The following WSB1 variants were observed in gnomAD, a reference collection of about 807,000 sequenced individuals.
WSB1 encodes the protein WD repeat and SOCS box containing 1.
In WSB1, 23 loss-of-function variants were observed where a neutral mutation model predicts 50.2. The ratio of observed to expected loss-of-function variants is 0.46; its 90% CI spans 0.33 to 0.65. WSB1 has a LOEUF of 0.65. WSB1 is among the 30% of genes least tolerant of loss of function. WSB1 has a pLI of 0.02. For synonymous variants in WSB1, 179 were observed against 172.0 expected, an observed-to-expected ratio of 1.04 and a Z score of -0.32; for missense variants, 492 against 522.3, an observed-to-expected ratio of 0.94 and a Z score of 0.56.
chr17:27,296,235 T>A (rs2016973907), intron 1 of WSB1, among the ~76,000 whole-genome samples: 1 of 151,784 alleles, frequency 6.6e-6, no homozygotes, highest in Non-Finnish European at 1.5e-5. Context: ...GATTTCTCTT[T>A]TCTTTTCTTT....
chr17:27,296,819 C>A (rs1345562707), intron 1 of WSB1, among the ~76,000 whole-genome samples: 5 of 152,196 alleles, frequency 3.3e-5, no homozygotes, highest in African/African-American at 1.2e-4. Context: ...TAACATTAAA[C>A]AGTTACAGAT....
Position 27,301,420 on chromosome 17 carries a change from A to G in WSB1, c.41-368A>G, listed in dbSNP as rs976134001. ...ATACTTTTCCTGCCAACTAAGTTTAATTTCTTGCATTTTAAATGTTAATAA... is the reference window on the plus strand; with the variant it reads ...ATACTTTTCCTGCCAACTAAGTTTAGTTTCTTGCATTTTAAATGTTAATAA... On this transcript the variant is annotated intron_variant, in intron 1 of 8. Transcript: ENST00000262394. Among the ~76,000 whole-genome samples, 13 of 152,246 alleles carry G rather than the reference A, an allele frequency of 8.5e-5. 1 individual carries two copies. In the Middle Eastern group the frequency reaches 0.01, roughly 120 times the overall value.
At chr17:27,309,028 T>G in intron 5 of WSB1, 72 bp from the exon 6 acceptor site, 1 of 1,456,590 alleles carries the variant, frequency 6.9e-7, no homozygotes, top group Middle Eastern at 1.9e-4. Flanking sequence ...ATTTAGCAGT[T>G]TTAGTATAAG....
chr17:27,298,079 C>T (rs2017060975), intron 1 of WSB1, among the ~76,000 whole-genome samples: 1 of 138,482 alleles, frequency 7.2e-6, no homozygotes, highest in African/African-American at 2.7e-5. Context: ...GAGCGGAGAT[C>T]ATGCCACTGC....
In WSB1 at chr17:27,313,392, A is replaced by G. The variant is rs1305874713; in HGVS notation, c.*1023A>G. On this transcript the variant is annotated 3_prime_UTR_variant, in exon 9 of 9. Transcript: ENST00000262394. ...GAATCCGTCTACTGTATTATTGCTA[A>G]ATATTTTGTTTATACTAAGGGACAA... The G allele has an allele frequency of 6.6e-6, 1 of 152,242 alleles. No individual in the cohort carries two copies. Among genetic ancestry groups the G allele is most frequent in the African/African-American group, 2.4e-5 (1 of 41,326 alleles). The allele number at this position is 152,242 out of a possible 1,614,324, so 9.4% of individuals were successfully genotyped here.
At chr17:27,311,639 T>C (rs1432892170) in intron 8 of WSB1, 23 bp downstream of exon 8, 10 of 1,400,868 alleles carry the variant, frequency 7.1e-6, no homozygotes, top group Admixed American at 2.4e-5. Context: ...TTCTCTTTTT[T>C]TTTTTTTTTT....
chr17:27,310,923 A>G (rs1251713196), intron 7 of WSB1, among the ~76,000 whole-genome samples: 1 of 151,990 alleles, frequency 6.6e-6, no homozygotes, highest in African/African-American at 2.4e-5. Flanking sequence ...ACATCTCACC[A>G]CAGCCTTGAT....
At chr17:27,298,546 C>T (rs1457981563) in intron 1 of WSB1, among the ~76,000 whole-genome samples, 1 of 151,884 alleles carries the variant, frequency 6.6e-6, no homozygotes, top group East Asian at 1.9e-4. Flanking sequence ...CATAGCAAGA[C>T]CCTGTCTATA....
chr17:27,300,696 G>T (rs1228511056), intron 1 of WSB1, among the ~76,000 whole-genome samples: 84 of 140,178 alleles, frequency 6.0e-4, no homozygotes, highest in African/African-American at 1.6e-3. Flanking sequence ...GGTTTTTTTT[G>T]TTTTTTTTTT....
rs1338331726 is a variant in WSB1 at position 27,313,501 on chromosome 17, A to G, written c.*1132A>G. On this transcript the variant is annotated 3_prime_UTR_variant, in exon 9 of 9. Transcript: ENST00000262394. ...ATATTGGTGAGTTGCCAAAGAAGCA[A>G]TACAGCATATCTGCTTTTGCCTTCT... 2 of 152,472 alleles carry G rather than the reference A, an allele frequency of 1.3e-5. No individual in the cohort carries two copies. The highest frequency in any genetic ancestry group is 3.2e-3 in the Middle Eastern group (1 of 316). 9.4% of individuals were successfully genotyped at this position (152,472 alleles called of 1,614,324 possible).
At chr17:27,311,640 T>C in intron 8 of WSB1, 24 bp downstream of exon 8, 3 of 1,424,720 alleles carry the variant, frequency 2.1e-6, no homozygotes, top group Non-Finnish European at 1.9e-6. Flanking sequence ...TCTCTTTTTT[T>C]TTTTTTTTTT....
At position 27,312,377 on chromosome 17, in the gene WSB1, T is replaced by C. The variant is rs1228143306; in HGVS notation, c.*8T>C. 1 of 1,613,844 alleles carries C rather than the reference T, an allele frequency of 6.2e-7. No homozygotes were observed. Among genetic ancestry groups the C allele is most frequent in the South Asian group, 1.1e-5 (1 of 91,000 alleles). ...CTCTCGTATCGTATTTAGAAGATTC[T>C]GCCTTCCCTAGTAGTAGGGACTGAC... On this transcript the variant is annotated 3_prime_UTR_variant, in exon 9 of 9. Transcript: ENST00000262394.
chr17:27,296,223 CT>C (rs2016973023), intron 1 of WSB1, among the ~76,000 whole-genome samples: 2 of 152,010 alleles, frequency 1.3e-5, no homozygotes, highest in Admixed American at 6.5e-5. Flanking sequence ...CACTAGCCCC[CT>C]GATTTCTCTT....
Position 27,304,849 on chromosome 17 carries a change from G to T in WSB1, c.548G>T (p.Ser183Ile). The change falls in exon 4 of 9, where the codon AGC (serine) becomes ATC (isoleucine). Residue 183 changes from serine to isoleucine, a missense_variant. Ser to Ile is a moderately radical substitution (Grantham distance 142, BLOSUM62 -2). Coordinates refer to ENST00000262394, the MANE Select transcript of WSB1 (RefSeq NM_015626.10). ...VRDLTFAPDG[S>I]LILVSASRDK... is the part of the protein sequence containing the mutation. ...GATTTAACTTTTGCTCCAGATGGAA[G>T]CTTGATCCTGGTGTCAGCTTCAAGA... 6.2e-7 allele frequency: 1 copy of T among 1,614,050 alleles called. No individual in the cohort carries two copies. Among genetic ancestry groups the T allele is most frequent in the South Asian group, 1.1e-5 (1 of 91,078 alleles).
chr17:27,311,331 G>C (rs2017668502), intron 7 of WSB1, among the ~76,000 whole-genome samples, 178 bp from the exon 8 acceptor site: 1 of 152,188 alleles, frequency 6.6e-6, no homozygotes, highest in Non-Finnish European at 1.5e-5. Flanking sequence ...TTTACCAACT[G>C]ATATTATAGA....
chr17:27,301,789 G>A lies in WSB1; in HGVS notation c.42G>A (p.Val14=). 6.2e-7 allele frequency: 1 copy of A among 1,613,312 alleles called. No homozygotes were observed. The highest frequency in any genetic ancestry group is 8.5e-7 in the Non-Finnish European group (1 of 1,179,706). The change falls in exon 2 of 9, where the codon GTG becomes GTA. Residue 14 remains valine (V), a splice_region_variant and synonymous_variant. Transcript: ENST00000262394. ...CAGTATTTTTATTTTTCCTTTTAGTGAGATTACGTACTATAGGTGAACTTT... is the reference window on the plus strand; with the variant it reads ...CAGTATTTTTATTTTTCCTTTTAGTAAGATTACGTACTATAGGTGAACTTT... The part of the protein sequence containing the change: ...FPPRVNEKEI[V]RLRTIGELLA...
intron 3 of WSB1, among the ~76,000 whole-genome samples, chr17:27,304,171 G>C (rs1008206810): frequency 6.6e-6 from 1 of 152,014 alleles, no homozygotes; most frequent in African/African-American, 2.4e-5. Context: ...AGCATTAAAA[G>C]AACATGTACA....
chr17:27,300,364 A>T (rs2017175871), intron 1 of WSB1, among the ~76,000 whole-genome samples: 2 of 152,188 alleles, frequency 1.3e-5, no homozygotes, highest in Admixed American at 1.3e-4. Flanking sequence ...ATTAAGACCA[A>T]CCCAAAATAG....
At chr17:27,300,823 G>C (rs1310064495) in intron 1 of WSB1, among the ~76,000 whole-genome samples, 1 of 151,642 alleles carries the variant, frequency 6.6e-6, no homozygotes, top group East Asian at 1.9e-4. Flanking sequence ...CCAAGAAGCT[G>C]GGATTACAGA....
Sources: gnomAD v4.1 joint callset for allele counts (sites outside exome capture counted in the v4.1 genomes callset) on GRCh38, gnomAD v4.1.1 for gene constraint, MANE v1.5 for transcripts, NCBI Gene and HGNC (gene_info 2026-07-23, HGNC 2026-07-21) for gene names.